The following PARP4 variants were observed in gnomAD, a reference collection of about 807,000 sequenced individuals.
The protein encoded by PARP4 is poly(ADP-ribose) polymerase family member 4.
In PARP4, 120 loss-of-function variants were observed where a neutral mutation model predicts 187.7. The observed-to-expected ratio is 0.64, with a 90% CI of 0.55 to 0.74. The LOEUF is 0.74. Among genes scored for constraint, PARP4 ranks in the 30% least tolerant of loss-of-function variants. The pLI, the probability that PARP4 is intolerant of heterozygous loss-of-function variation, is 0.00. For missense variants in PARP4, 1,836 were observed against 2,070.5 expected (o/e 0.89, Z 2.20); for synonymous variants, 654 against 740.9 (o/e 0.88, Z 1.90).
At chr13:24,449,221 T>C (rs1405781533) in intron 25 of PARP4, among the ~76,000 whole-genome samples, 1 of 151,962 alleles carries the variant, frequency 6.6e-6, no homozygotes, top group African/African-American at 2.4e-5. Context: ...ACCCCATCTC[T>C]ACTAAAAATA....
Position 24,435,376 on chromosome 13 carries a change from T to C in PARP4, c.3765A>G (p.Pro1255=). 1 of 1,612,508 alleles carries C rather than the reference T, an allele frequency of 6.2e-7. No individual in the cohort carries two copies. Among genetic ancestry groups the C allele is most frequent in the Non-Finnish European group, 8.5e-7 (1 of 1,179,902 alleles). The part of the protein sequence containing the change: ...FSKRKMELSQ[P]EVSEDFEEDG... ...CCTCTTCAAAATCTTCAGAAACTTC[T>C]GGCTGAGATAATTCCATTTTTCTTT... is the stretch of plus-strand genomic sequence containing the variant. Residue 1255 remains proline, a synonymous_variant, in exon 31 of 34, where the codon CCA becomes CCG. Transcript: ENST00000381989.
chr13:24,441,394 A>C (rs1211995599), intron 30 of PARP4, among the ~76,000 whole-genome samples: 1 of 152,086 alleles, frequency 6.6e-6, no homozygotes, highest in East Asian at 1.9e-4. Context: ...TTTGTTTTTG[A>C]ATTTTTCTTC....
At chr13:24,452,874 C>T (rs1381555829) in intron 23 of PARP4, among the ~76,000 whole-genome samples, 2 of 152,180 alleles carry the variant, frequency 1.3e-5, no homozygotes, top group African/African-American at 4.8e-5. Context: ...CTGGATTTGC[C>T]AGCCTGGCTG....
chr13:24,460,272 A>G, intron 17 of PARP4, 136 bp from the exon 18 acceptor site: 1 of 718,286 alleles, frequency 1.4e-6, no homozygotes, highest in Non-Finnish European at 2.3e-6. Context: ...TAAAACCTAA[A>G]AGACACATTG....
At chr13:24,495,299 G>A (rs1868884047) in intron 6 of PARP4, among the ~76,000 whole-genome samples, 1 of 152,012 alleles carries the variant, frequency 6.6e-6, no homozygotes, top group Non-Finnish European at 1.5e-5. Flanking sequence ...TTCCTTCCAA[G>A]TCTACAGACT....
At chr13:24,478,709 C>T (rs1336678433) in intron 12 of PARP4, among the ~76,000 whole-genome samples, 3 of 152,184 alleles carry the variant, frequency 2.0e-5, no homozygotes. Flanking sequence ...GCTGGGATTA[C>T]AGGCATGAGC....
At chr13:24,446,284 T>A (rs1280372678) in intron 27 of PARP4, among the ~76,000 whole-genome samples, 1 of 152,218 alleles carries the variant, frequency 6.6e-6, no homozygotes, top group African/African-American at 2.4e-5. Flanking sequence ...CTACCCCAGA[T>A]GAAGAAGTGC....
chr13:24,451,884 G>C (rs930182693), intron 24 of PARP4: 3 of 153,142 alleles, frequency 2.0e-5, no homozygotes, highest in African/African-American at 7.2e-5. Flanking sequence ...GCACACCACA[G>C]GGTTTGAAAA....
intron 20 of PARP4, among the ~76,000 whole-genome samples, chr13:24,456,795 G>A (rs1382510399): frequency 6.6e-6 from 1 of 152,088 alleles, no homozygotes; most frequent in Non-Finnish European, 1.5e-5. Flanking sequence ...AGCTAGTCAG[G>A]AGGCTGAGGC....
At chr13:24,445,535 A>T (rs1871167427) in intron 27 of PARP4, among the ~76,000 whole-genome samples, 2 of 152,224 alleles carry the variant, frequency 1.3e-5, no homozygotes, top group Admixed American at 1.3e-4. Context: ...CTTCTGGGTC[A>T]GCACTCATGT....
chr13:24,484,929 A>G (rs1051723915), intron 11 of PARP4, among the ~76,000 whole-genome samples, 181 bp from the exon 12 acceptor site: 2 of 152,182 alleles, frequency 1.3e-5, no homozygotes, highest in African/African-American at 2.4e-5. Context: ...ATAAACATCT[A>G]TTGTTTGAAT....
At chr13:24,471,143 C>A (rs1872714946) in intron 15 of PARP4, among the ~76,000 whole-genome samples, 1 of 152,196 alleles carries the variant, frequency 6.6e-6, no homozygotes, top group South Asian at 2.1e-4. Flanking sequence ...AGACACTGTC[C>A]CCTTGACTGT....
intron 23 of PARP4, among the ~76,000 whole-genome samples, chr13:24,452,817 CAG>C (rs1871595847): frequency 6.6e-6 from 1 of 152,180 alleles, no homozygotes; most frequent in Non-Finnish European, 1.5e-5. Flanking sequence ...TTACAGTTTC[CAG>C]AGGACTATGA....
Position 24,460,554 on chromosome 13 carries a change from T to C in PARP4, c.2134-418A>G, listed in dbSNP as rs1364729065. On this transcript the variant is annotated intron_variant, in intron 17 of 33. Coordinates refer to ENST00000381989, the MANE Select transcript of PARP4 (RefSeq NM_006437.4). ...CAGATGGCCTCCACAAAGCCCTTTC[T>C]TGAAGACCCTCCCTGACCTCCATGG... Among the ~76,000 whole-genome samples, 2 of 150,404 alleles carry C rather than the reference T, an allele frequency of 1.3e-5. 1 individual carries two copies. Among genetic ancestry groups the C allele is most frequent in the African/African-American group, 5.0e-5 (2 of 40,094 alleles).
intron 30 of PARP4, among the ~76,000 whole-genome samples, chr13:24,440,914 T>A (rs541899356): frequency 1.8e-4 from 28 of 152,344 alleles, no homozygotes; most frequent in Non-Finnish European, 3.7e-4. Flanking sequence ...ACTCTGTCAC[T>A]AAGGCTGGAG....
At chr13:24,506,729 A>C (rs1869708864) in intron 1 of PARP4, among the ~76,000 whole-genome samples, 1 of 152,190 alleles carries the variant, frequency 6.6e-6, no homozygotes, top group Non-Finnish European at 1.5e-5. Context: ...CCAAGTCCCC[A>C]CTAGACTCAG....
At chr13:24,470,076 T>A in intron 15 of PARP4, 51 bp from the exon 16 acceptor site, 3 of 1,532,366 alleles carry the variant, frequency 2.0e-6, no homozygotes, top group Non-Finnish European at 2.7e-6. Context: ...TGGACTACAT[T>A]TGCAGGAACA....
intron 1 of PARP4, among the ~76,000 whole-genome samples, chr13:24,511,691 C>T (rs1177762481): frequency 6.6e-6 from 1 of 152,210 alleles, no homozygotes; most frequent in Non-Finnish European, 1.5e-5. Flanking sequence ...CAGCCTCCGC[C>T]TTCCGAAGTG....
At chr13:24,505,303 A>C (rs1183274003) in intron 1 of PARP4, among the ~76,000 whole-genome samples, 2 of 152,098 alleles carry the variant, frequency 1.3e-5, no homozygotes, top group Non-Finnish European at 2.9e-5. Flanking sequence ...AAGGGTACTT[A>C]TAGGTATGGG....
Sources: allele counts gnomAD v4.1 joint callset (sites outside exome capture counted in the v4.1 genomes callset), GRCh38; gene constraint gnomAD v4.1.1; transcripts MANE v1.5; gene names NCBI Gene and HGNC (gene_info 2026-07-23, HGNC 2026-07-21).